ATG7: variants seen among roughly 807,000 people sequenced by gnomAD.
The protein encoded by ATG7 is ubiquitin-like modifier-activating enzyme ATG7.
In ATG7, 70 loss-of-function variants were observed where a neutral mutation model predicts 82.4. The ratio of observed to expected loss-of-function variants is 0.85; its 90% CI spans 0.70 to 1.04. The LOEUF (loss-of-function observed/expected upper bound fraction) is 1.04, where lower values mean the gene tolerates loss of function less well. Ranked by LOEUF, ATG7 falls within the 50% of genes least tolerant of loss-of-function variation. The pLI, the probability that ATG7 is intolerant of heterozygous loss-of-function variation, is 0.00. For synonymous variants in ATG7, 287 were observed against 313.0 expected (o/e 0.92, Z 0.88); for missense variants, 792 against 864.3 (o/e 0.92, Z 1.05).
At chr3:11,497,173 C>T (rs1333944796) in intron 20 of ATG7, among the ~76,000 whole-genome samples, 1 of 151,148 alleles carries the variant, frequency 6.6e-6, no homozygotes, top group Admixed American at 6.6e-5. Flanking sequence ...TCTGATGAAA[C>T]CTTTATTGTA....
At chr3:11,427,575 T>A (rs1438807902) in intron 20 of ATG7, among the ~76,000 whole-genome samples, 1 of 151,794 alleles carries the variant, frequency 6.6e-6, no homozygotes, top group East Asian at 1.9e-4. Flanking sequence ...CCAAGCACTT[T>A]GAGAGGCCAA....
chr3:11,386,770 T>C (rs2078348719), intron 19 of ATG7, among the ~76,000 whole-genome samples: 1 of 152,224 alleles, frequency 6.6e-6, no homozygotes, highest in Non-Finnish European at 1.5e-5. Context: ...ATATGTATGA[T>C]TGTGTGGTAT....
chr3:11,406,795 C>G (rs188858153), intron 19 of ATG7, among the ~76,000 whole-genome samples: 2 of 152,252 alleles, frequency 1.3e-5, no homozygotes, highest in Admixed American at 1.3e-4. Flanking sequence ...GACCCATTAA[C>G]CATCACCAGA....
chr3:11,329,879 A>C (rs911765702), intron 9 of ATG7, among the ~76,000 whole-genome samples: 1 of 152,342 alleles, frequency 6.6e-6, no homozygotes. Flanking sequence ...TTCAGGATCC[A>C]GTCCAGGATA....
intron 9 of ATG7, among the ~76,000 whole-genome samples, chr3:11,321,571 C>T (rs1950229732): frequency 6.6e-6 from 1 of 152,252 alleles, no homozygotes; most frequent in East Asian, 1.9e-4. Flanking sequence ...ATGATCTTAC[C>T]TCCTACAGTG....
intron 20 of ATG7, chr3:11,477,285 GATAAA>G: frequency 8.3e-7 from 1 of 1,203,224 alleles, no homozygotes; most frequent in South Asian, 1.5e-5. Context: ...GAACAATGAT[GATAAA>G]ATAAAATGTA....
At chr3:11,474,018 G>A (rs1478426749) in intron 20 of ATG7, among the ~76,000 whole-genome samples, 1 of 152,218 alleles carries the variant, frequency 6.6e-6, no homozygotes, top group African/African-American at 2.4e-5. Context: ...CAGTGGCCAG[G>A]GGAAGGTGTT....
At chr3:11,352,091 A>G (rs947698834) in intron 14 of ATG7, among the ~76,000 whole-genome samples, 1 of 150,296 alleles carries the variant, frequency 6.7e-6, no homozygotes, top group Non-Finnish European at 1.5e-5. Context: ...TATGAGTGAG[A>G]ACACGCGGTG....
intron 18 of ATG7, 72 bp downstream of exon 18, chr3:11,364,806 C>G: frequency 6.6e-7 from 1 of 1,521,312 alleles, no homozygotes; most frequent in Non-Finnish European, 9.1e-7. Context: ...CTTTGCCATT[C>G]CATCTGCCCA....
chr3:11,512,195 CTT>C (rs2092097845), intron 20 of ATG7, among the ~76,000 whole-genome samples: 1 of 152,208 alleles, frequency 6.6e-6, no homozygotes, highest in Non-Finnish European at 1.5e-5. Flanking sequence ...GTCTCCTTAA[CTT>C]TCCAACTAGC....
chr3:11,504,415 A>G (rs1452946792), intron 20 of ATG7, among the ~76,000 whole-genome samples: 1 of 152,226 alleles, frequency 6.6e-6, no homozygotes, highest in Admixed American at 6.5e-5. Context: ...AACTCCAGAA[A>G]AGTAAGAGTA....
intron 19 of ATG7, among the ~76,000 whole-genome samples, chr3:11,390,275 T>A (rs1342633167): frequency 3.9e-5 from 6 of 152,222 alleles, no homozygotes; most frequent in Non-Finnish European, 7.3e-5. Context: ...ACAGATTTTT[T>A]AAAAAGTGAG....
intron 13 of ATG7, among the ~76,000 whole-genome samples, chr3:11,346,254 A>G (rs757471270): frequency 1.3e-5 from 2 of 152,234 alleles, no homozygotes; most frequent in Non-Finnish European, 2.9e-5. Flanking sequence ...AATGTTCAGC[A>G]TTAACATTGT....
the ATG7 span, among the ~76,000 whole-genome samples, chr3:11,562,767 G>A: frequency 6.6e-6 from 1 of 152,284 alleles, no homozygotes; most frequent in African/African-American, 2.4e-5. Context: ...TGACAGCTCC[G>A]GTCAGGGCCA....
At chr3:11,470,134 G>A (rs2087320469) in intron 20 of ATG7, among the ~76,000 whole-genome samples, 1 of 152,162 alleles carries the variant, frequency 6.6e-6, no homozygotes, top group African/African-American at 2.4e-5. Context: ...GTGAAAAGCT[G>A]CTGCCTGGTG....
intron 19 of ATG7, among the ~76,000 whole-genome samples, chr3:11,422,241 T>G (rs1260586871): frequency 6.6e-6 from 1 of 152,272 alleles, no homozygotes; most frequent in East Asian, 1.9e-4. Context: ...AGGTGGCATC[T>G]TCTTCCACTA....
At chr3:11,462,778 G>T (rs1398111479) in intron 20 of ATG7, among the ~76,000 whole-genome samples, 1 of 152,160 alleles carries the variant, frequency 6.6e-6, no homozygotes, top group African/African-American at 2.4e-5. Context: ...TTTTTTAAAA[G>T]ATGTTCAAAC....
chr3:11,546,160 GGAT>G (rs1337944107), intron 20 of ATG7, among the ~76,000 whole-genome samples: 16 of 133,644 alleles, frequency 1.2e-4, no homozygotes, highest in African/African-American at 4.6e-4. Flanking sequence ...TGCCAAAACT[GGAT>G]TTTTTTTTTT....
the ATG7 span, among the ~76,000 whole-genome samples, chr3:11,563,959 C>T: frequency 3.9e-5 from 6 of 152,182 alleles, no homozygotes; most frequent in Non-Finnish European, 7.3e-5. Context: ...AGGGAAGCCC[C>T]GGTGAGGCCA....
Sources: gnomAD v4.1 joint callset for allele counts (sites outside exome capture counted in the v4.1 genomes callset) on GRCh38, gnomAD v4.1.1 for gene constraint, MANE v1.5 for transcripts, NCBI Gene and HGNC (gene_info 2026-07-23, HGNC 2026-07-21) for gene names.